The following GNB1L variants were observed in gnomAD, a reference collection of about 807,000 sequenced individuals.
GNB1L encodes the protein guanine nucleotide-binding protein subunit beta-like protein 1.
GNB1L carries 20 observed loss-of-function variants against 29.1 expected under a neutral mutation model. That is an observed-to-expected ratio of 0.69 (90% CI 0.48 to 1.00). The LOEUF (loss-of-function observed/expected upper bound fraction) is 1.00. Ranked by LOEUF, GNB1L falls within the 50% of genes least tolerant of loss-of-function variation. The pLI, the probability that GNB1L is intolerant of heterozygous loss-of-function variation, is 0.00. For synonymous variants in GNB1L, 193 were observed against 206.5 expected (o/e 0.93, Z 0.56); for missense variants, 421 against 464.9 (o/e 0.91, Z 0.87).
intron 7 of GNB1L, 26 bp from the exon 8 acceptor site, chr22:19,788,986 G>A: frequency 6.3e-7 from 1 of 1,577,246 alleles, no homozygotes; most frequent in Non-Finnish European, 8.6e-7. Flanking sequence ...GAGGTGTTAG[G>A]CCACTCCTTA....
chr22:19,817,916 G>A (rs1937544595), intron 4 of GNB1L, among the ~76,000 whole-genome samples: 1 of 152,254 alleles, frequency 6.6e-6, no homozygotes, highest in Non-Finnish European at 1.5e-5. Flanking sequence ...CTGCCGAGGT[G>A]GCTGTCGAAG....
rs1297757253 is a variant in GNB1L at position 19,792,648 on chromosome 22, G to A, written c.733-3688C>T. ...GAAGCAGAGACTGTTGGCCTGGGCT[G>A]AGAAGAAAGCTGCTGGCAAACGGGA... On this transcript the variant is annotated intron_variant, in intron 7 of 7. Transcript: ENST00000329517. 8 of 1,559,090 alleles carry A rather than the reference G, an allele frequency of 5.1e-6. No homozygotes were observed. The Admixed American group carries it at 1.4e-4, about 27-fold the overall frequency.
intron 6 of GNB1L, among the ~76,000 whole-genome samples, chr22:19,805,378 TGCACAG>T (rs1937421529): frequency 6.6e-6 from 1 of 152,140 alleles, no homozygotes. Context: ...GCCCACAAAC[TGCACAG>T]GCCCATCCGG....
intron 2 of GNB1L, among the ~76,000 whole-genome samples, chr22:19,830,330 G>A (rs917387228): frequency 6.6e-6 from 1 of 152,082 alleles, no homozygotes; most frequent in Non-Finnish European, 1.5e-5. Context: ...GTAGCAGGAT[G>A]TAAAACTAAC....
intron 6 of GNB1L, among the ~76,000 whole-genome samples, chr22:19,803,784 T>C (rs1346684464): frequency 6.6e-6 from 1 of 152,220 alleles, no homozygotes; most frequent in African/African-American, 2.4e-5. Context: ...CCCCAGAAGC[T>C]GACTCCAAAG....
At chr22:19,798,593 TGA>T (rs1937333476) in intron 7 of GNB1L, among the ~76,000 whole-genome samples, 1 of 152,198 alleles carries the variant, frequency 6.6e-6, no homozygotes, top group Non-Finnish European at 1.5e-5. Context: ...CTGTGGAGGC[TGA>T]GATGCCCAGT....
Position 19,845,905 on chromosome 22 carries a change from T to G in GNB1L, c.-21+8538A>C, listed in dbSNP as rs150655367. Among the ~76,000 whole-genome samples, 500 of 152,360 alleles carry G rather than the reference T, an allele frequency of 3.3e-3. 2 individuals carry two copies. Among genetic ancestry groups the G allele is most frequent in the African/African-American group, 0.011 (467 of 41,592 alleles). Reference sequence around the variant, plus strand: ...ACAACTTGAAAAATGGGGACATGGATGGTTTCCCTATGACATAAGCAAGAC... The same window carrying G: ...ACAACTTGAAAAATGGGGACATGGAGGGTTTCCCTATGACATAAGCAAGAC... On this transcript the variant is annotated intron_variant, in intron 2 of 7. Coordinates refer to ENST00000329517, the MANE Select transcript of GNB1L (RefSeq NM_053004.3).
intron 2 of GNB1L, among the ~76,000 whole-genome samples, chr22:19,829,117 C>T (rs140310027): frequency 2.0e-5 from 3 of 152,318 alleles, no homozygotes; most frequent in East Asian, 3.9e-4. Flanking sequence ...CAGGCATGAG[C>T]CACCGTGCCC....
intron 2 of GNB1L, chr22:19,849,260 T>A (rs1038105273): frequency 3.0e-6 from 3 of 984,770 alleles, no homozygotes; most frequent in African/African-American, 3.5e-5. Flanking sequence ...ATCTGTGCCC[T>A]GAAATAACTC....
At chr22:19,836,366 G>T (rs535537391) in intron 2 of GNB1L, among the ~76,000 whole-genome samples, 1 of 147,780 alleles carries the variant, frequency 6.8e-6, no homozygotes, top group East Asian at 2.0e-4. Flanking sequence ...TCAATTAAAG[G>T]AATCACATTT....
chr22:19,821,225 C>T lies in GNB1L; in HGVS notation c.128+3G>A, dbSNP rs370162054. 2.5e-6 allele frequency: 4 copies of T among 1,607,140 alleles called. No individual in the cohort carries two copies. Among genetic ancestry groups the T allele is most frequent in the Non-Finnish European group, 3.4e-6 (4 of 1,176,044 alleles). ...GCCTGGGGCTGGGGCCACAGCTACT[C>T]ACCCTGAGAAGAGGAGCGGGCGCCC... is the stretch of plus-strand genomic sequence containing the variant. On this transcript the variant is annotated splice_donor_region_variant and intron_variant, in intron 3 of 7. Coordinates refer to ENST00000329517, the MANE Select transcript of GNB1L (RefSeq NM_053004.3).
chr22:19,815,252 G>A (rs1194560621), intron 4 of GNB1L, among the ~76,000 whole-genome samples: 2 of 152,182 alleles, frequency 1.3e-5, no homozygotes, highest in Non-Finnish European at 2.9e-5. Flanking sequence ...TTGCGGTTGT[G>A]GTGCCCACGC....
intron 4 of GNB1L, among the ~76,000 whole-genome samples, chr22:19,813,034 C>T (rs77606956): frequency 0.023 from 3,526 of 152,208 alleles, 118 homozygotes; most frequent in African/African-American, 0.075. Flanking sequence ...CTCATGGGCC[C>T]GGGGTCTCAC....
chr22:19,789,164 G>GGCCCT (rs1294273055), intron 7 of GNB1L, among the ~76,000 whole-genome samples: 1 of 152,120 alleles, frequency 6.6e-6, no homozygotes, highest in African/African-American at 2.4e-5. Context: ...AGTGGTCTTC[G>GGCCCT]GCCCTGCCCT....
At chr22:19,809,196 G>A (rs992188090) in intron 5 of GNB1L, among the ~76,000 whole-genome samples, 3 of 151,708 alleles carry the variant, frequency 2.0e-5, no homozygotes, top group Non-Finnish European at 4.4e-5. Flanking sequence ...ACAAGTGGCT[G>A]GACGTTGAGA....
intron 2 of GNB1L, among the ~76,000 whole-genome samples, chr22:19,845,508 T>G (rs1009031936): frequency 6.6e-6 from 1 of 152,104 alleles, no homozygotes; most frequent in African/African-American, 2.4e-5. Flanking sequence ...GCCCCACCAA[T>G]GGGGACACAG....
intron 2 of GNB1L, among the ~76,000 whole-genome samples, chr22:19,845,013 C>G (rs947035603): frequency 1.3e-5 from 2 of 152,168 alleles, no homozygotes; most frequent in Non-Finnish European, 2.9e-5. Flanking sequence ...GGGGATGTGC[C>G]CTGGAAACTT....
In GNB1L at chr22:19,788,831, G is replaced by A; in HGVS notation, c.862C>T (p.Leu288=). The change falls in exon 8 of 8, where the codon CTG becomes TTG. Residue 288 remains leucine, a synonymous_variant. Transcript: ENST00000329517. ...GCGCTGTGGAAGGCCAGCACGGCCA[G>A]TGGCTGCATCGTCCGCCAGTGGAAC... ...RVFHWRTMQP[L]AVLAFHSAAV... 6.2e-7 allele frequency: 1 copy of A among 1,612,624 alleles called. No individual in the cohort carries two copies. The highest frequency in any genetic ancestry group is 8.5e-7 in the Non-Finnish European group (1 of 1,179,876).
chr22:19,821,573 G>A (rs951637700), intron 2 of GNB1L, among the ~76,000 whole-genome samples, 198 bp from the exon 3 acceptor site: 4 of 152,178 alleles, frequency 2.6e-5, no homozygotes, highest in Non-Finnish European at 4.4e-5. Flanking sequence ...TTCCCTGCAC[G>A]GCGGTGAGCC....
Sources: allele counts gnomAD v4.1 joint callset (sites outside exome capture counted in the v4.1 genomes callset), GRCh38; gene constraint gnomAD v4.1.1; transcripts MANE v1.5; gene names NCBI Gene and HGNC (gene_info 2026-07-23, HGNC 2026-07-21).